ZNF878: variants seen among roughly 807,000 people sequenced by gnomAD.
The protein encoded by ZNF878 is zinc finger protein 878.
ZNF878 carries 10 observed loss-of-function variants against 11.1 expected under a neutral mutation model. The observed-to-expected ratio is 0.90, with a 90% CI of 0.56 to 1.53. The LOEUF is 1.53. ZNF878 is among the 40% of genes most tolerant of loss of function. The pLI is 0.00. For synonymous variants in ZNF878, 165 were observed against 209.7 expected, an observed-to-expected ratio of 0.79 and a Z score of 1.84; for missense variants, 548 against 626.1, an observed-to-expected ratio of 0.88 and a Z score of 1.33.
chr19:12,049,797 T>G (rs184206524), intron 1 of ZNF878, among the ~76,000 whole-genome samples: 83 of 151,600 alleles, frequency 5.5e-4, no homozygotes, highest in Middle Eastern at 3.4e-3. Context: ...ACCAAAAGAA[T>G]CAAAATTTTG....
Position 12,043,900 on chromosome 19 carries a change from G to C in ZNF878, c.1501C>G (p.His501Asp), listed in dbSNP as rs956910225. ...CACTCATAGGGTTTCTCTCCAGTAT[G>C]AATCCTTTCATGGTAGAGAAAAGAG... is the stretch of plus-strand genomic sequence containing the variant. ...SNSFLYHERI[H>D]TGEKPYECKQ... Residue 501 changes from histidine (H) to aspartate (D), a missense_variant, in exon 4 of 4, where the codon CAT (histidine) becomes GAT (aspartate). By Grantham distance (81) the His-to-Asp change is moderately conservative. Transcript: ENST00000547628. The C allele has an allele frequency of 6.2e-7, 1 of 1,614,100 alleles. No individual in the cohort carries two copies. The highest frequency in any genetic ancestry group is 8.5e-7 in the Non-Finnish European group (1 of 1,180,004).
At chr19:12,043,737 C>T, downstream of ZNF878, 1 of 1,404,146 alleles carries the variant, frequency 7.1e-7, no homozygotes, top group Non-Finnish European at 9.6e-7. Context: ...GCAGTGAATC[C>T]TTCCGTGCAT....
downstream of ZNF878, chr19:12,043,706 G>T: frequency 8.1e-7 from 1 of 1,240,318 alleles, no homozygotes; most frequent in Non-Finnish European, 1.1e-6. Context: ...TTCCCAAAAT[G>T]CTGAGATTAC....
chr19:12,046,340 A>G (rs1568351300), intron 3 of ZNF878, 28 bp downstream of exon 3: 3 of 1,498,458 alleles, frequency 2.0e-6, no homozygotes, highest in Non-Finnish European at 2.7e-6. Context: ...ATACAGAGAC[A>G]TTGTTTTCTC....
At chr19:12,052,747 T>A in intron 1 of ZNF878, 52 bp downstream of exon 1, 3 of 1,533,044 alleles carry the variant, frequency 2.0e-6, no homozygotes, top group Non-Finnish European at 2.6e-6. Flanking sequence ...TTCCTCTCGG[T>A]TCCACCCAGT....
intron 1 of ZNF878, among the ~76,000 whole-genome samples, chr19:12,049,139 CAAA>C (rs1291167469): frequency 1.5e-5 from 1 of 68,540 alleles, no homozygotes; most frequent in Non-Finnish European, 3.0e-5. Flanking sequence ...AGCTCCGTCT[CAAA>C]AAAAAAAAAA....
Position 12,045,185 on chromosome 19 carries a change from A to G in ZNF878, c.216T>C (p.Ser72=), listed in dbSNP as rs369638957. 15 of 1,609,578 alleles carry G rather than the reference A, an allele frequency of 9.3e-6. No homozygotes were observed. Among genetic ancestry groups the G allele is most frequent in the Non-Finnish European group, 1.3e-5 (15 of 1,177,878 alleles). Residue 72 remains serine, a synonymous_variant, in exon 4 of 4, where the codon TCT becomes TCC. Coordinates refer to ENST00000547628, the MANE Select transcript of ZNF878 (RefSeq NM_001080404.3). ...NLRRLIGERL[S]ESKESHQHGE... ...CATGCTGATGACTTTCTTTACTTTC[A>G]GAGAGTCTCTCCCCTATAAGTCTTC... is the stretch of plus-strand genomic sequence containing the variant.
chr19:12,044,288 T>G lies in ZNF878; in HGVS notation c.1113A>C (p.Gln371His), dbSNP rs369645245. Residue 371 changes from glutamine to histidine, a missense_variant, in exon 4 of 4, where the codon CAA becomes CAC. Physicochemically the swap from Gln to His is conservative, Grantham distance 24. Coordinates refer to ENST00000547628, the MANE Select transcript of ZNF878 (RefSeq NM_001080404.3). Reference protein sequence around the residue: ...HTGEKPFECKQCGKTFTSSNS... With the variant: ...HTGEKPFECKHCGKTFTSSNS... ...TGGAAGAAGTGAAGGTTTTCCCACA[T>G]TGTTTACATTCAAAGGGTTTCTCTC... The G allele has an allele frequency of 1.9e-6, 3 of 1,613,516 alleles. No homozygotes were observed. The South Asian group carries it at 3.3e-5, about 18-fold the overall frequency.
Position 12,045,034 on chromosome 19 carries a change from C to A in ZNF878, c.367G>T (p.Ala123Ser). The change falls in exon 4 of 4, where the codon GCC (alanine) becomes TCC (serine). Residue 123 changes from alanine to serine, a missense_variant. This residue lies in a region of ZNF878 where 160 missense variants were observed against 173.3 expected (regional missense o/e 0.92). Transcript: ENST00000547628. ...GLSSLNRHLR[A>S]FSYSSSLAIH... ...GCAAGGCTACTGGAATAACTAAAGGCTCTGAGGTGCCTATTAAGGGATGAA... is the reference window on the plus strand; with the variant it reads ...GCAAGGCTACTGGAATAACTAAAGGATCTGAGGTGCCTATTAAGGGATGAA... 6.2e-7 allele frequency: 1 copy of A among 1,614,066 alleles called. No homozygotes were observed. Among genetic ancestry groups the A allele is most frequent in the Non-Finnish European group, 8.5e-7 (1 of 1,179,998 alleles).
intron 2 of ZNF878, 35 bp from the exon 3 acceptor site, chr19:12,046,463 A>G (rs1312725840): frequency 1.9e-6 from 3 of 1,556,116 alleles, no homozygotes; most frequent in Non-Finnish European, 2.6e-6. Context: ...GTCCTGAATT[A>G]GTATAAAATT....
chr19:12,050,910 C>T (rs925219050), intron 1 of ZNF878, among the ~76,000 whole-genome samples: 4 of 150,374 alleles, frequency 2.7e-5, no homozygotes, highest in Admixed American at 2.7e-4. Flanking sequence ...CTGGCTAACA[C>T]GGTGAAACCC....
chr19:12,047,565 T>TAA (rs58640903), intron 1 of ZNF878, among the ~76,000 whole-genome samples: 7 of 140,640 alleles, frequency 5.0e-5, no homozygotes, highest in African/African-American at 1.3e-4. Flanking sequence ...CTCCATCGGT[T>TAA]AAAAAAAAAA....
intron 1 of ZNF878, among the ~76,000 whole-genome samples, chr19:12,051,160 A>G (rs1331737508): frequency 6.8e-6 from 1 of 147,452 alleles, no homozygotes; most frequent in Non-Finnish European, 1.5e-5. Flanking sequence ...GAAAATTTTA[A>G]AGTCCTGGGC....
In ZNF878 at chr19:12,046,662, C is replaced by G; in HGVS notation, c.102G>C (p.Gln34His). The G allele has an allele frequency of 1.9e-6, 3 of 1,614,018 alleles. No individual in the cohort carries two copies. Among genetic ancestry groups the G allele is most frequent in the Non-Finnish European group, 2.5e-6 (3 of 1,179,962 alleles). ...TGGAGGTCAGGTTCCTCAAGGTTTC[C>G]TGCATCACTTCCCTGTAGAGATTTT... The part of the protein sequence containing the change: ...SQKNLYREVM[Q>H]ETLRNLTSIG... The change falls in exon 2 of 4, where the codon CAG becomes CAC. Residue 34 changes from glutamine (Q) to histidine (H), a missense_variant. By Grantham distance (24) the Gln-to-His change is conservative. Transcript: ENST00000547628.
Position 12,044,231 on chromosome 19 carries a change from AGT to A in ZNF878, c.1168_1169del (p.Thr390TrpfsTer6), listed in dbSNP as rs1170578364. On this transcript the variant is annotated frameshift_variant, in exon 4 of 4. Coordinates refer to ENST00000547628, the MANE Select transcript of ZNF878 (RefSeq NM_001080404.3). LOFTEE classifies it low-confidence loss of function (END_TRUNC). ...NSFHYHERTH[T>X]GEKPYECKQC... ...GCTTACACTCATAGGGTTTCTCTCC[AGT>A]GTGAGTCCTTTCATGATAGTGAAAG... is the stretch of plus-strand genomic sequence containing the variant. The A allele has an allele frequency of 1.9e-6, 3 of 1,613,914 alleles. No homozygotes were observed. Among genetic ancestry groups the A allele is most frequent in the East Asian group, 2.2e-5 (1 of 44,870 alleles).
intron 1 of ZNF878, among the ~76,000 whole-genome samples, chr19:12,048,732 G>A (rs1327622342): frequency 1.3e-5 from 2 of 150,682 alleles, no homozygotes; most frequent in Non-Finnish European, 2.9e-5. Context: ...TACTTGGGGG[G>A]CCGAGGCAGC....
At chr19:12,046,467 T>A (rs538094894) in intron 2 of ZNF878, 39 bp from the exon 3 acceptor site, 1 of 1,555,474 alleles carries the variant, frequency 6.4e-7, no homozygotes, top group African/African-American at 1.4e-5. Context: ...TGAATTAGTA[T>A]AAAATTATTT....
chr19:12,045,566 G>A (rs1975469429), intron 3 of ZNF878, among the ~76,000 whole-genome samples: 1 of 151,788 alleles, frequency 6.6e-6, no homozygotes, highest in Non-Finnish European at 1.5e-5. Context: ...AGAATAGTGT[G>A]AACCCGGGAG....
chr19:12,048,390 C>T (rs756209942), intron 1 of ZNF878, among the ~76,000 whole-genome samples: 3 of 151,416 alleles, frequency 2.0e-5, no homozygotes, highest in East Asian at 1.9e-4. Flanking sequence ...TGGTGGCGGG[C>T]GCCTATAGTC....
Sources: gnomAD v4.1 joint callset for allele counts (sites outside exome capture counted in the v4.1 genomes callset) on GRCh38, gnomAD v4.1.1 for gene constraint, gnomAD v4.1.1 regional missense constraint, MANE v1.5 for transcripts, NCBI Gene and HGNC (gene_info 2026-07-23, HGNC 2026-07-21) for gene names.